The following TERB2 variants were observed in gnomAD, a reference collection of about 807,000 sequenced individuals.
TERB2 encodes the protein telomere repeat binding bouquet formation protein 2.
TERB2 carries 26 observed loss-of-function variants against 29.8 expected under a neutral mutation model. The observed-to-expected ratio is 0.87, with a 90% CI of 0.64 to 1.21. TERB2 has a LOEUF of 1.21. TERB2 is among the 50% of genes most tolerant of loss of function. The pLI, the probability that TERB2 is intolerant of heterozygous loss-of-function variation, is 0.00. For missense variants in TERB2, 240 were observed against 268.6 expected, an observed-to-expected ratio of 0.89 and a Z score of 0.74; for synonymous variants, 80 against 90.8, an observed-to-expected ratio of 0.88 and a Z score of 0.68.
chr15:44,966,614 A>C (rs1479873593), intron 5 of TERB2, among the ~76,000 whole-genome samples: 8 of 152,198 alleles, frequency 5.3e-5, no homozygotes, highest in Admixed American at 1.3e-4. Context: ...GCAGTTAATA[A>C]ATTATTTAAA....
intron 4 of TERB2, among the ~76,000 whole-genome samples, chr15:44,964,900 G>A (rs918126918): frequency 8.6e-5 from 13 of 151,840 alleles, no homozygotes; most frequent in Non-Finnish European, 1.3e-4. Flanking sequence ...AGTGGGTCGC[G>A]CCTGTAATCC....
At chr15:44,975,680 T>A (rs549072931) in intron 6 of TERB2, among the ~76,000 whole-genome samples, 1 of 152,150 alleles carries the variant, frequency 6.6e-6, no homozygotes, top group East Asian at 1.9e-4. Flanking sequence ...CCTTGGCATC[T>A]GCCCACTAGA....
chr15:44,961,655 A>C, intron 4 of TERB2, 71 bp downstream of exon 4: 3 of 1,074,566 alleles, frequency 2.8e-6, no homozygotes, highest in Non-Finnish European at 4.1e-6. Context: ...GTTATCTTTA[A>C]AATGTTTATT....
At chr15:44,977,683 T>C (rs1188752664) in intron 6 of TERB2, among the ~76,000 whole-genome samples, 2 of 152,184 alleles carry the variant, frequency 1.3e-5, no homozygotes, top group Non-Finnish European at 2.9e-5. Flanking sequence ...TTAAAAATGA[T>C]TAAACAATAT....
intron 4 of TERB2, among the ~76,000 whole-genome samples, chr15:44,962,063 G>A (rs534715583): frequency 6.6e-6 from 1 of 152,206 alleles, no homozygotes; most frequent in East Asian, 1.9e-4. Context: ...TTGTTTTATA[G>A]TAGTGCATTA....
At chr15:44,964,461 T>C (rs1891854362) in intron 4 of TERB2, among the ~76,000 whole-genome samples, 1 of 152,122 alleles carries the variant, frequency 6.6e-6, no homozygotes. Context: ...TATTTGGTGG[T>C]AATTATTGAC....
In TERB2 at chr15:44,963,410, A is replaced by G. The variant is rs569013665; in HGVS notation, c.348+1826A>G. Among the ~76,000 whole-genome samples, 260 of 152,298 alleles carry G rather than the reference A, an allele frequency of 1.7e-3. 1 individual carries two copies. The highest frequency in any genetic ancestry group is 7.9e-4 in the Non-Finnish European group (54 of 68,030). On this transcript the variant is annotated intron_variant, in intron 4 of 6. Coordinates refer to ENST00000340827, the MANE Select transcript of TERB2 (RefSeq NM_152448.3). ...ACATTCAGACAAATCCAGAATATGG[A>G]CCATACCACAAGACAATTAACCGAC...
At chr15:44,973,841 G>A in intron 5 of TERB2, 26 bp from the exon 6 acceptor site, 2 of 1,537,214 alleles carry the variant, frequency 1.3e-6, no homozygotes, top group African/African-American at 1.4e-5. Flanking sequence ...ATGTATGTGT[G>A]ACTTTCTGTA....
intron 4 of TERB2, among the ~76,000 whole-genome samples, chr15:44,963,261 A>G (rs1891834426): frequency 6.6e-6 from 1 of 152,224 alleles, no homozygotes; most frequent in African/African-American, 2.4e-5. Flanking sequence ...AACTTAGCAA[A>G]CAGCATCACC....
rs1045278913 is a variant in TERB2 at position 44,956,906 on chromosome 15, G to T, written c.75G>T (p.Gly25=). The change falls in exon 2 of 7, where the codon GGG becomes GGT. Residue 25 remains glycine, a synonymous_variant. Coordinates refer to ENST00000340827, the MANE Select transcript of TERB2 (RefSeq NM_152448.3). ...QDLRQFWVAE[G]GTISDPRAAD... Reference sequence around the variant, plus strand: ...CTCTTACCTCCACAGTGGCTGAAGGGGGAACGATCAGTGACCCGCGAGCCG... The same window carrying T: ...CTCTTACCTCCACAGTGGCTGAAGGTGGAACGATCAGTGACCCGCGAGCCG... 6.2e-7 allele frequency: 1 copy of T among 1,614,030 alleles called. No individual in the cohort carries two copies. The highest frequency in any genetic ancestry group is 8.5e-7 in the Non-Finnish European group (1 of 1,179,990).
At chr15:44,966,527 T>TACTATACTATCTCATAGTATAGCAC (rs1891891338) in intron 5 of TERB2, among the ~76,000 whole-genome samples, 1 of 152,214 alleles carries the variant, frequency 6.6e-6, no homozygotes, top group African/African-American at 2.4e-5. Context: ...CTATGTAGAA[T>TACTATACTATCTCATAGTATAGCAC]ACTATACTAT....
At chr15:44,958,976 C>G (rs1891762978) in intron 3 of TERB2, among the ~76,000 whole-genome samples, 1 of 152,150 alleles carries the variant, frequency 6.6e-6, no homozygotes, top group African/African-American at 2.4e-5. Context: ...CCCAGGAGTT[C>G]AAGACTAGAC....
intron 5 of TERB2, among the ~76,000 whole-genome samples, chr15:44,968,857 A>C (rs1299048267): frequency 1.3e-5 from 2 of 152,108 alleles, no homozygotes; most frequent in African/African-American, 4.8e-5. Context: ...CATGTAAATT[A>C]TCGGATGTGG....
At position 44,958,385 on chromosome 15, in the gene TERB2, C is replaced by A. The variant is rs370199137; in HGVS notation, c.159C>A (p.Ser53Arg). The change falls in exon 3 of 7, where the codon AGC becomes AGA. Residue 53 changes from serine (S) to arginine (R), a missense_variant. Physicochemically the swap from Ser to Arg is moderately radical, Grantham distance 110. Coordinates refer to ENST00000340827, the MANE Select transcript of TERB2 (RefSeq NM_152448.3). ...TTCTTTCTCCTAGAATATATCAGAGCCTTGATTACATAGAAGATAATGCTA... is the reference window on the plus strand; with the variant it reads ...TTCTTTCTCCTAGAATATATCAGAGACTTGATTACATAGAAGATAATGCTA... Reference protein sequence around the residue: ...SHPDTLRIYQSLDYIEDNATV... With the variant: ...SHPDTLRIYQRLDYIEDNATV... 1 of 1,611,686 alleles carries A rather than the reference C, an allele frequency of 6.2e-7. No homozygotes were observed. Among genetic ancestry groups the A allele is most frequent in the African/African-American group, 1.3e-5 (1 of 74,774 alleles).
chr15:44,957,739 C>T lies in TERB2; in HGVS notation c.147-634C>T, dbSNP rs555838279. ...TTCCCTGAGATCCCCCTTCGCATGGCTATCAGATTTCGTTTACAAACCAGA... is the reference window on the plus strand; with the variant it reads ...TTCCCTGAGATCCCCCTTCGCATGGTTATCAGATTTCGTTTACAAACCAGA... On this transcript the variant is annotated intron_variant, in intron 2 of 6. Coordinates refer to ENST00000340827, the MANE Select transcript of TERB2 (RefSeq NM_152448.3). Among the ~76,000 whole-genome samples, 9 of 152,204 alleles carry T rather than the reference C, an allele frequency of 5.9e-5. 1 individual carries two copies. The South Asian group carries it at 1.9e-3, about 32-fold the overall frequency.
intron 5 of TERB2, among the ~76,000 whole-genome samples, chr15:44,972,755 AT>A (rs1891989370): frequency 6.6e-6 from 1 of 151,948 alleles, no homozygotes; most frequent in African/African-American, 2.4e-5. Flanking sequence ...ACCTTAAGTG[AT>A]CCGCCCACCT....
chr15:44,956,960 G>T lies in TERB2; in HGVS notation c.129G>T (p.Ser43=), dbSNP rs370808813. ...AADFLFSCDA[S]HPDTLRIYQS... ...ACTTCTTGTTCAGCTGTGATGCCTC[G>T]CACCCAGACACGCTGAGGTACTGAG... Residue 43 remains serine (S), a synonymous_variant, in exon 2 of 7, where the codon TCG becomes TCT. Transcript: ENST00000340827. 3.7e-6 allele frequency: 6 copies of T among 1,613,474 alleles called. No individual in the cohort carries two copies. In the African/African-American group the frequency reaches 8.0e-5, roughly 22 times the overall value.
rs1892090037 is a variant in TERB2, at chr15:44,979,188, TG to T, written c.*562del. The T allele has an allele frequency of 1.3e-5, 2 of 152,248 alleles. No homozygotes were observed. Among genetic ancestry groups the T allele is most frequent in the Non-Finnish European group, 2.9e-5 (2 of 68,058 alleles). The allele number at this position is 152,248 out of a possible 1,614,324, so 9.4% of individuals were successfully genotyped here. On this transcript the variant is annotated 3_prime_UTR_variant, in exon 7 of 7. Coordinates refer to ENST00000340827, the MANE Select transcript of TERB2 (RefSeq NM_152448.3). ...TTAATAATTCATATTTCATGTTGGA[TG>T]GTTTCTAATAATAAATATCTCAAAA...
rs1385910736 is a variant in TERB2, at chr15:44,961,596, T to C, written c.348+12T>C. 7.1e-6 allele frequency: 11 copies of C among 1,560,238 alleles called. No homozygotes were observed. The Admixed American group carries it at 2.1e-4, about 30-fold the overall frequency. On this transcript the variant is annotated intron_variant, in intron 4 of 6. Transcript: ENST00000340827. Reference sequence around the variant, plus strand: ...TTCTGATAGAAAAGGTAAGAGTAAATTAAGGTACTTGATTAGCATCTACAG... The same window carrying C: ...TTCTGATAGAAAAGGTAAGAGTAAACTAAGGTACTTGATTAGCATCTACAG...
Sources: gnomAD v4.1 joint callset for allele counts (sites outside exome capture counted in the v4.1 genomes callset) on GRCh38, gnomAD v4.1.1 for gene constraint, MANE v1.5 for transcripts, NCBI Gene and HGNC (gene_info 2026-07-23, HGNC 2026-07-21) for gene names.